H2BC5: variants seen among roughly 807,000 people sequenced by gnomAD.
H2BC5 encodes histone H2B type 1-D.
Under a neutral mutation model 5.7 loss-of-function variants are expected in H2BC5, and 9 were observed. The ratio of observed to expected loss-of-function variants is 1.57; its 90% CI spans 0.95 to 2.74. The LOEUF is 2.74. H2BC5 is among the 30% of genes most tolerant of loss of function. The pLI, the probability that H2BC5 is intolerant of heterozygous loss-of-function variation, is 0.00. For missense variants in H2BC5, 175 were observed against 168.8 expected, an observed-to-expected ratio of 1.04 and a Z score of -0.20; for synonymous variants, 133 against 70.9, an observed-to-expected ratio of 1.88 and a Z score of -4.40.
At chr6:26,170,008 A>G (rs1416008038) in intron 1 of H2BC5, among the ~76,000 whole-genome samples, 1 of 152,190 alleles carries the variant, frequency 6.6e-6, no homozygotes, top group African/African-American at 2.4e-5. Context: ...AAAAACAAAA[A>G]GGGGACATGA....
intron 1 of H2BC5, among the ~76,000 whole-genome samples, chr6:26,165,709 T>C (rs1004260768): frequency 6.6e-6 from 1 of 152,044 alleles, no homozygotes; most frequent in Non-Finnish European, 1.5e-5. Context: ...CTGTCTCTCT[T>C]AAAAAGTGGA....
intron 1 of H2BC5, among the ~76,000 whole-genome samples, chr6:26,169,638 A>C (rs1764486113): frequency 6.6e-6 from 1 of 152,238 alleles, no homozygotes; most frequent in South Asian, 2.1e-4. Context: ...AGAGAAATTG[A>C]GAAGTACTCA....
At chr6:26,160,167 C>T (rs1020812137), downstream of H2BC5, among the ~76,000 whole-genome samples, 2 of 152,152 alleles carry the variant, frequency 1.3e-5, no homozygotes, top group African/African-American at 4.8e-5. Context: ...TTGTTCCTGG[C>T]ATTCATACCA....
chr6:26,158,761 T>A (rs2113832060), downstream of H2BC5: 2 of 777,846 alleles, frequency 2.6e-6, no homozygotes, highest in Middle Eastern at 3.7e-4. Flanking sequence ...TTGAGTGCTA[T>A]GGGTACGTAT....
At chr6:26,169,515 T>G (rs986221422) in intron 1 of H2BC5, among the ~76,000 whole-genome samples, 1 of 152,180 alleles carries the variant, frequency 6.6e-6, no homozygotes, top group Non-Finnish European at 1.5e-5. Flanking sequence ...TAATAAAATA[T>G]TGTTTTAAAA....
Position 26,158,152 on chromosome 6 carries a change from C to G in H2BC5, c.-18C>G, listed in dbSNP as rs374968888. 7.3e-5 allele frequency: 117 copies of G among 1,607,784 alleles called. No homozygotes were observed. Among genetic ancestry groups the G allele is most frequent in the African/African-American group, 6.8e-4 (51 of 74,568 alleles). ...TTTCTCAGGTGTTTGCAACAGTGTTCTAACTATTAACGCTACGATGCCTGA... is the reference window on the plus strand; with the variant it reads ...TTTCTCAGGTGTTTGCAACAGTGTTGTAACTATTAACGCTACGATGCCTGA... On this transcript the variant is annotated 5_prime_UTR_variant, in exon 1 of 1. Transcript: ENST00000377777.
downstream of H2BC5, among the ~76,000 whole-genome samples, chr6:26,159,243 G>GTTTTTTTTTTTTTTTTT (rs35999697): frequency 1.6e-5 from 1 of 61,402 alleles, no homozygotes; most frequent in African/African-American, 5.5e-5. Context: ...TAATTTATAG[G>GTTTTTTTTTTTTTTTTT]TTTTTTTTTT....
intron 1 of H2BC5, chr6:26,164,081 C>A: frequency 2.2e-6 from 1 of 460,276 alleles, no homozygotes; most frequent in Non-Finnish European, 4.4e-6. Context: ...ACCCCAACTG[C>A]AAAAATACCT....
At chr6:26,158,857 G>C (rs1007033981), downstream of H2BC5, among the ~76,000 whole-genome samples, 1 of 152,160 alleles carries the variant, frequency 6.6e-6, no homozygotes, top group African/African-American at 2.4e-5. Flanking sequence ...TCCGTGTGCA[G>C]ATTTCCAAGT....
chr6:26,160,090 C>T (rs1292854033), downstream of H2BC5, among the ~76,000 whole-genome samples: 4 of 152,074 alleles, frequency 2.6e-5, no homozygotes, highest in Admixed American at 2.0e-4. Context: ...AAGTCAGCTC[C>T]GAAGTTGGGT....
intron 1 of H2BC5, among the ~76,000 whole-genome samples, chr6:26,166,385 C>T (rs1487198160): frequency 6.6e-6 from 1 of 152,184 alleles, no homozygotes; most frequent in Non-Finnish European, 1.5e-5. Context: ...TGCATCATAC[C>T]AGATACTGGC....
chr6:26,163,744 C>A (rs151204040), intron 1 of H2BC5: 1 of 153,560 alleles, frequency 6.5e-6, no homozygotes, highest in Non-Finnish European at 1.4e-5. Flanking sequence ...GAACAAGATT[C>A]GAAACTTACA....
In H2BC5 at chr6:26,158,230, A is replaced by G. The variant is rs780598919; in HGVS notation, c.61A>G (p.Lys21Glu). 1 of 1,614,232 alleles carries G rather than the reference A, an allele frequency of 6.2e-7. No individual in the cohort carries two copies. The highest frequency in any genetic ancestry group is 8.5e-7 in the Non-Finnish European group (1 of 1,180,040). ...GAAGGGCTCCAAGAAGGCGGTGACT[A>G]AGGCTCAGAAGAAGGACGGGAAGAA... ...PKKGSKKAVT[K>E]AQKKDGKKRK... is the part of the protein sequence containing the mutation. The change falls in exon 1 of 1, where the codon AAG becomes GAG. Residue 21 changes from lysine (K) to glutamate (E), a missense_variant. Around this residue, in one of 4 missense-constraint regions of H2BC5, gnomAD observed 119 missense variants for 85.6 expected, o/e 1.39. Transcript: ENST00000377777.
chr6:26,159,891 C>G (rs746399063), downstream of H2BC5, among the ~76,000 whole-genome samples: 5 of 152,156 alleles, frequency 3.3e-5, no homozygotes, highest in Non-Finnish European at 7.4e-5. Flanking sequence ...AACTCAGAGC[C>G]AGGGACTTGG....
chr6:26,170,890 G>A (rs1324712435), intron 1 of H2BC5: 2 of 152,178 alleles, frequency 1.3e-5, no homozygotes, highest in African/African-American at 2.4e-5. Flanking sequence ...AGCACATGTA[G>A]AAAGAATCCT....
chr6:26,168,690 A>C (rs550894948), intron 1 of H2BC5, among the ~76,000 whole-genome samples: 29 of 152,300 alleles, frequency 1.9e-4, no homozygotes, highest in Non-Finnish European at 3.7e-4. Context: ...TTCAGACTAA[A>C]ATTGACCACT....
rs770551293 is a variant in H2BC5 at position 26,168,864 on chromosome 6, T to C, written c.*10-2111T>C. 9.4e-4 allele frequency among the ~76,000 whole-genome samples: 143 copies of C among 152,336 alleles called. 1 individual carries two copies. Among genetic ancestry groups the C allele is most frequent in the African/African-American group, 2.4e-3 (100 of 41,582 alleles). On this transcript the variant is annotated intron_variant, in intron 1 of 1. Transcript: ENST00000289316. ...TATGCATTGAATGTATTAATTCATT[T>C]GAGAAATCTTAAACTGCAGTCTGTA... is the stretch of plus-strand genomic sequence containing the variant.
intron 1 of H2BC5, among the ~76,000 whole-genome samples, chr6:26,169,538 C>A (rs941931367): frequency 1.3e-5 from 2 of 151,900 alleles, no homozygotes; most frequent in Non-Finnish European, 2.9e-5. Flanking sequence ...TCAAAATATT[C>A]TTTATAAATA....
chr6:26,167,830 C>T (rs1316138103), intron 1 of H2BC5, among the ~76,000 whole-genome samples: 1 of 151,960 alleles, frequency 6.6e-6, no homozygotes, highest in Non-Finnish European at 1.5e-5. Context: ...AAGGTTGCAC[C>T]TTACGCTCAT....
Sources: allele counts gnomAD v4.1 joint callset (sites outside exome capture counted in the v4.1 genomes callset), GRCh38; gene constraint gnomAD v4.1.1; regional missense constraint gnomAD v4.1.1; transcripts MANE v1.5; gene names NCBI Gene and HGNC (gene_info 2026-07-23, HGNC 2026-07-21).